The following ELAVL2 variants were observed in gnomAD, a reference collection of about 807,000 sequenced individuals.
The protein encoded by ELAVL2 is ELAV-like protein 2.
In ELAVL2, 4 loss-of-function variants were observed where a neutral mutation model predicts 34.6. That is an observed-to-expected ratio of 0.12 (90% CI 0.06 to 0.26). The LOEUF is 0.26. ELAVL2 is among the 10% of genes least tolerant of loss of function. The pLI is 1.00. For missense variants in ELAVL2, 432 were observed against 442.8 expected, an observed-to-expected ratio of 0.98 and a Z score of 0.22; for synonymous variants, 193 against 154.8, an observed-to-expected ratio of 1.25 and a Z score of -1.83.
intron 3 of ELAVL2, among the ~76,000 whole-genome samples, chr9:23,723,306 TAAA>T (rs2044219781): frequency 6.6e-6 from 1 of 151,708 alleles, no homozygotes; most frequent in South Asian, 2.1e-4. Context: ...TCATTCTCAG[TAAA>T]CTATCACAAG....
At chr9:23,698,132 C>T (rs528601666) in intron 5 of ELAVL2, among the ~76,000 whole-genome samples, 1 of 152,122 alleles carries the variant, frequency 6.6e-6, no homozygotes, top group Non-Finnish European at 1.5e-5. Flanking sequence ...TAGAAGCAGG[C>T]ACACAGGTCA....
At chr9:23,722,213 G>A (rs2043907097) in intron 3 of ELAVL2, among the ~76,000 whole-genome samples, 1 of 152,180 alleles carries the variant, frequency 6.6e-6, no homozygotes, top group African/African-American at 2.4e-5. Context: ...TTTAAAGAGA[G>A]ACCAATGTTA....
At chr9:23,713,544 CAAAG>C (rs1160238586) in intron 3 of ELAVL2, among the ~76,000 whole-genome samples, 5 of 152,080 alleles carry the variant, frequency 3.3e-5, no homozygotes, top group Non-Finnish European at 7.4e-5. Flanking sequence ...GCGTAACCAC[CAAAG>C]AGTCTATTCC....
chr9:23,780,665 C>CAT (rs1284802424), intron 1 of ELAVL2, among the ~76,000 whole-genome samples: 2 of 152,182 alleles, frequency 1.3e-5, no homozygotes, highest in Non-Finnish European at 2.9e-5. Context: ...ATCAAATGAT[C>CAT]ATGTGTAACA....
At chr9:23,769,409 T>C (rs2056908396) in intron 1 of ELAVL2, among the ~76,000 whole-genome samples, 1 of 152,142 alleles carries the variant, frequency 6.6e-6, no homozygotes, top group African/African-American at 2.4e-5. Context: ...CCCATTCAAA[T>C]CACTAAGTGG....
chr9:23,730,970 AT>A, intron 3 of ELAVL2, 51 bp downstream of exon 3: 1 of 1,516,684 alleles, frequency 6.6e-7, no homozygotes, highest in Non-Finnish European at 9.0e-7. Flanking sequence ...ATAAATCTTA[AT>A]TTTTTTAAAC....
At chr9:23,713,375 T>G (rs1303709867) in intron 3 of ELAVL2, among the ~76,000 whole-genome samples, 1 of 152,206 alleles carries the variant, frequency 6.6e-6, no homozygotes, top group Non-Finnish European at 1.5e-5. Context: ...TCAAATTCAC[T>G]ATGGTAGTGG....
At chr9:23,770,813 T>A (rs1034238863) in intron 1 of ELAVL2, among the ~76,000 whole-genome samples, 3 of 152,204 alleles carry the variant, frequency 2.0e-5, no homozygotes, top group African/African-American at 7.2e-5. Flanking sequence ...AAATTTAAAG[T>A]AATTTGTTAG....
intron 1 of ELAVL2, among the ~76,000 whole-genome samples, chr9:23,771,496 G>C (rs1351803331): frequency 6.6e-6 from 1 of 151,924 alleles, no homozygotes; most frequent in Non-Finnish European, 1.5e-5. Context: ...ATTAAATCCA[G>C]AGTTATTCAC....
chr9:23,700,778 G>A (rs1054229443), intron 5 of ELAVL2, among the ~76,000 whole-genome samples: 17 of 151,946 alleles, frequency 1.1e-4, no homozygotes, highest in South Asian at 2.1e-4. Context: ...GAAACTTCAC[G>A]TAGTCACATA....
chr9:23,707,918 T>C (rs912803230), intron 3 of ELAVL2, among the ~76,000 whole-genome samples: 4 of 152,230 alleles, frequency 2.6e-5, no homozygotes, highest in African/African-American at 9.6e-5. Flanking sequence ...TGACATTCAC[T>C]GCTTTGTGCA....
chr9:23,716,790 TG>T (rs1232260951), intron 3 of ELAVL2, among the ~76,000 whole-genome samples: 1 of 152,186 alleles, frequency 6.6e-6, no homozygotes, highest in African/African-American at 2.4e-5. Flanking sequence ...TAGAGGGCCA[TG>T]TAGGCAGAGA....
intron 3 of ELAVL2, among the ~76,000 whole-genome samples, chr9:23,722,315 A>C (rs1191920291): frequency 6.6e-6 from 1 of 152,248 alleles, no homozygotes; most frequent in Non-Finnish European, 1.5e-5. Context: ...TGCCTAAAAA[A>C]TAATTTCAGG....
chr9:23,820,589 C>G (rs1298406772), intron 1 of ELAVL2, among the ~76,000 whole-genome samples: 1 of 152,204 alleles, frequency 6.6e-6, no homozygotes, highest in Non-Finnish European at 1.5e-5. Context: ...CATGGTTTTA[C>G]GCTCTGGCCC....
At chr9:23,714,683 T>C (rs1445475023) in intron 3 of ELAVL2, among the ~76,000 whole-genome samples, 1 of 152,202 alleles carries the variant, frequency 6.6e-6, no homozygotes, top group South Asian at 2.1e-4. Flanking sequence ...AGTAGAAATA[T>C]AAATGAACTT....
At chr9:23,819,359 G>C (rs766908602) in intron 1 of ELAVL2, among the ~76,000 whole-genome samples, 8 of 152,122 alleles carry the variant, frequency 5.3e-5, no homozygotes, top group Admixed American at 5.2e-4. Context: ...CTAAATCAGA[G>C]AGGATCTATA....
At chr9:23,782,721 T>A (rs999136830) in intron 1 of ELAVL2, among the ~76,000 whole-genome samples, 4 of 152,226 alleles carry the variant, frequency 2.6e-5, no homozygotes, top group African/African-American at 9.6e-5. Context: ...AACCACTTTA[T>A]ATGCTCAAAT....
chr9:23,781,973 C>T (rs561536631), intron 1 of ELAVL2, among the ~76,000 whole-genome samples: 4 of 152,214 alleles, frequency 2.6e-5, no homozygotes, highest in Admixed American at 6.5e-5. Flanking sequence ...CGTGAGCCAC[C>T]GCGCCTGGCT....
intron 3 of ELAVL2, among the ~76,000 whole-genome samples, chr9:23,709,972 A>G (rs2040492894): frequency 6.6e-6 from 1 of 152,178 alleles, no homozygotes; most frequent in East Asian, 1.9e-4. Context: ...GTGATATAAT[A>G]AACAAAGACA....
Sources: gnomAD v4.1 joint callset for allele counts (sites outside exome capture counted in the v4.1 genomes callset) on GRCh38, gnomAD v4.1.1 for gene constraint, MANE v1.5 for transcripts, NCBI Gene and HGNC (gene_info 2026-07-23, HGNC 2026-07-21) for gene names.